The following ANK2 variants were observed in gnomAD, a reference collection of about 807,000 sequenced individuals.
The protein encoded by ANK2 is ankyrin 2, also known as ankyrin-2.
A neutral mutation model predicts 360.5 loss-of-function variants in ANK2; 83 were observed. The observed-to-expected ratio is 0.23, with a 90% CI of 0.19 to 0.28. The LOEUF (loss-of-function observed/expected upper bound fraction) is 0.28, where lower values mean the gene tolerates loss of function less well. ANK2 is among the 10% of genes least tolerant of loss of function. ANK2 has a pLI of 1.00. For synonymous variants in ANK2, 1,740 were observed against 1,759.5 expected (o/e 0.99, Z 0.28); for missense variants, 4,201 against 4,795.7 (o/e 0.88, Z 3.66).
intron 1 of ANK2, chr4:112,881,935 C>T (rs2076805677): frequency 4.5e-6 from 3 of 661,162 alleles, no homozygotes; most frequent in Admixed American, 3.8e-5. Flanking sequence ...TTTGCATTCA[C>T]GGCTGCCATC....
At chr4:112,921,961 A>C (rs528702375) in intron 2 of ANK2, among the ~76,000 whole-genome samples, 1 of 152,202 alleles carries the variant, frequency 6.6e-6, no homozygotes, top group Non-Finnish European at 1.5e-5. Context: ...GTTTAGCATT[A>C]TGGCCTCGAA....
the ANK2 span, among the ~76,000 whole-genome samples, chr4:112,723,756 G>A: frequency 2.0e-5 from 3 of 152,204 alleles, no homozygotes; most frequent in East Asian, 3.9e-4. Context: ...CCACCTAAGA[G>A]CATTTCTTTA....
intron 1 of ANK2, among the ~76,000 whole-genome samples, chr4:113,168,216 A>T (rs2097821297): frequency 6.6e-6 from 1 of 152,236 alleles, no homozygotes; most frequent in Non-Finnish European, 1.5e-5. Flanking sequence ...CTTTATTTAA[A>T]AAGGAAATTT....
At chr4:112,856,715 G>A (rs1409490692) in intron 1 of ANK2, among the ~76,000 whole-genome samples, 7 of 152,190 alleles carry the variant, frequency 4.6e-5, no homozygotes, top group Admixed American at 2.6e-4. Flanking sequence ...GTAACAGAGC[G>A]AGACTCCGTC....
In ANK2 at chr4:112,879,694, A is replaced by G. The variant is rs144990878; in HGVS notation, c.-39-24761A>G. 3.9e-3 allele frequency among the ~76,000 whole-genome samples: 589 copies of G among 152,354 alleles called. 3 individuals carry two copies. Among genetic ancestry groups the G allele is most frequent in the African/African-American group, 0.01 (436 of 41,582 alleles). On this transcript the variant is annotated intron_variant, in intron 1 of 30. Transcript: ENST00000503271. ...TATTGAGTTTTGGAACCGTATATCT[A>G]TAGTTTGAACAGTATAACTAAAAGC...
intron 1 of ANK2, among the ~76,000 whole-genome samples, chr4:113,095,437 G>A (rs2090578447): frequency 6.6e-6 from 1 of 152,044 alleles, no homozygotes; most frequent in Non-Finnish European, 1.5e-5. Context: ...TTTTTGATTT[G>A]GAGTCATTTT....
intron 1 of ANK2, among the ~76,000 whole-genome samples, chr4:112,854,526 A>G (rs530936568): frequency 3.9e-5 from 6 of 152,254 alleles, no homozygotes; most frequent in Admixed American, 1.3e-4. Flanking sequence ...CTGGGAGACT[A>G]TTGTAGCCTC....
At chr4:112,757,533 T>C in the ANK2 span, among the ~76,000 whole-genome samples, 2 of 152,228 alleles carry the variant, frequency 1.3e-5, no homozygotes, top group Admixed American at 1.3e-4. Flanking sequence ...TTATTTGATC[T>C]CATAAGAATC....
chr4:113,027,573 A>G (rs953268415), intron 2 of ANK2, among the ~76,000 whole-genome samples: 1 of 152,110 alleles, frequency 6.6e-6, no homozygotes, highest in African/African-American at 2.4e-5. Context: ...TGGAGACTGC[A>G]GCATTATATC....
chr4:113,200,620 C>G (rs372496854), intron 4 of ANK2, among the ~76,000 whole-genome samples: 1 of 152,122 alleles, frequency 6.6e-6, no homozygotes, highest in South Asian at 2.1e-4. Flanking sequence ...AGGATAATGG[C>G]CCCCAGCTCC....
the ANK2 span, among the ~76,000 whole-genome samples, chr4:112,802,278 CCTT>C: frequency 6.6e-6 from 1 of 152,118 alleles, no homozygotes; most frequent in East Asian, 1.9e-4. Context: ...TGCCAATCCT[CCTT>C]TAGGATGCCA....
chr4:113,129,954 T>A (rs1402108074), intron 1 of ANK2, among the ~76,000 whole-genome samples: 1 of 152,196 alleles, frequency 6.6e-6, no homozygotes, highest in East Asian at 1.9e-4. Context: ...CCTTCTGTTT[T>A]GTGAAATTAT....
chr4:113,326,011 TCTC>T (rs1257881963), intron 26 of ANK2, among the ~76,000 whole-genome samples: 2 of 152,178 alleles, frequency 1.3e-5, no homozygotes, highest in African/African-American at 4.8e-5. Context: ...CCATTTTTAA[TCTC>T]CTGCAAACAT....
chr4:113,229,812 C>T (rs1197872063), intron 4 of ANK2, among the ~76,000 whole-genome samples: 2 of 152,184 alleles, frequency 1.3e-5, no homozygotes, highest in East Asian at 3.9e-4. Flanking sequence ...CATGGTACAT[C>T]TCCTTTCTCC....
At chr4:112,970,231 A>G (rs13109776) in intron 2 of ANK2, among the ~76,000 whole-genome samples, 29,676 of 151,940 alleles carry the variant, frequency 0.2, 3,218 homozygotes, top group East Asian at 0.38. Context: ...CGGCCTCCCA[A>G]TGTGCTGGGA....
intron 1 of ANK2, among the ~76,000 whole-genome samples, chr4:113,084,190 C>T (rs752390886): frequency 5.9e-5 from 9 of 152,206 alleles, no homozygotes; most frequent in African/African-American, 1.7e-4. Flanking sequence ...CTGAAAGTGG[C>T]GTGCATCTCT....
intron 1 of ANK2, among the ~76,000 whole-genome samples, chr4:112,889,681 G>A (rs2150620336): frequency 6.6e-6 from 1 of 152,112 alleles, no homozygotes; most frequent in Middle Eastern, 3.4e-3. Flanking sequence ...AGTAAAGCAT[G>A]TCATGATCCA....
intron 1 of ANK2, among the ~76,000 whole-genome samples, chr4:113,172,425 A>G (rs2098008192): frequency 6.6e-6 from 1 of 152,112 alleles, no homozygotes; most frequent in South Asian, 2.1e-4. Flanking sequence ...ATTAAATCTC[A>G]GGTCTTCCAC....
intron 1 of ANK2, among the ~76,000 whole-genome samples, chr4:113,050,691 C>A (rs1442569380): frequency 6.6e-6 from 1 of 152,018 alleles, no homozygotes; most frequent in African/African-American, 2.4e-5. Context: ...TTTCCTGGAG[C>A]AATAATATGG....
Sources: gnomAD v4.1 joint callset for allele counts (sites outside exome capture counted in the v4.1 genomes callset) on GRCh38, gnomAD v4.1.1 for gene constraint, MANE v1.5 for transcripts, NCBI Gene and HGNC (gene_info 2026-07-23, HGNC 2026-07-21) for gene names.